SAMD5: variants seen among roughly 807,000 people sequenced by gnomAD.
SAMD5 encodes sterile alpha motif domain containing 5, also known as sterile alpha motif domain-containing protein 5.
A neutral mutation model predicts 11.3 loss-of-function variants in SAMD5; 13 were observed. The observed-to-expected ratio is 1.15, with a 90% CI of 0.75 to 1.83. SAMD5 has a LOEUF of 1.83. Among genes scored for constraint, SAMD5 ranks in the 40% most tolerant of loss-of-function variants. The probability of loss-of-function intolerance (pLI) is 0.00; values close to 1 mark genes in which losing one functional copy is unlikely to be tolerated. For synonymous variants in SAMD5, 129 were observed against 111.3 expected, an observed-to-expected ratio of 1.16 and a Z score of -1.00; for missense variants, 255 against 239.1, an observed-to-expected ratio of 1.07 and a Z score of -0.44.
At chr6:147,861,826 C>T in the SAMD5 span, among the ~76,000 whole-genome samples, 9 of 152,062 alleles carry the variant, frequency 5.9e-5, no homozygotes. Context: ...GAGGGGATGC[C>T]CCTCATGTGA....
intron 1 of SAMD5, among the ~76,000 whole-genome samples, chr6:147,672,579 A>T (rs1790809673): frequency 6.6e-6 from 1 of 152,176 alleles, no homozygotes; most frequent in Admixed American, 6.5e-5. Context: ...TGTTTAACAT[A>T]GTTAAATAAA....
the SAMD5 span, among the ~76,000 whole-genome samples, chr6:147,844,256 TA>T: frequency 3.9e-5 from 6 of 152,206 alleles, no homozygotes; most frequent in African/African-American, 1.4e-4. Flanking sequence ...TCAACCTCTC[TA>T]ATCATCAGAG....
chr6:147,741,194 C>T (rs1009824168), downstream of SAMD5, among the ~76,000 whole-genome samples: 19 of 152,020 alleles, frequency 1.2e-4, no homozygotes, highest in African/African-American at 4.6e-4. Flanking sequence ...AGTTTTCAAA[C>T]CAGGGGTTTG....
At chr6:147,816,007 C>T in the SAMD5 span, among the ~76,000 whole-genome samples, 11 of 152,018 alleles carry the variant, frequency 7.2e-5, no homozygotes, top group Admixed American at 3.3e-4. Context: ...AGGCTGGGCA[C>T]GGTGGCTCAC....
chr6:147,667,036 C>A (rs1469359782), intron 1 of SAMD5, among the ~76,000 whole-genome samples: 2 of 152,156 alleles, frequency 1.3e-5, no homozygotes, highest in East Asian at 3.9e-4. Context: ...ATGAAGCCTT[C>A]TAGAGCCCTT....
the SAMD5 span, among the ~76,000 whole-genome samples, chr6:147,925,682 CTTT>C: frequency 2.0e-4 from 23 of 115,236 alleles, no homozygotes; most frequent in African/African-American, 3.5e-4. Flanking sequence ...ACTGAGAATT[CTTT>C]TTTTTTTTTT....
chr6:147,847,464 A>C, the SAMD5 span, among the ~76,000 whole-genome samples: 1 of 152,220 alleles, frequency 6.6e-6, no homozygotes, highest in African/African-American at 2.4e-5. Flanking sequence ...AGATAATTTG[A>C]TGTCAAGGTT....
intron 1 of SAMD5, among the ~76,000 whole-genome samples, chr6:147,577,095 TG>T (rs1202836164): frequency 2.6e-5 from 4 of 152,256 alleles, no homozygotes; most frequent in Non-Finnish European, 5.9e-5. Flanking sequence ...GATTTCCTAC[TG>T]CCTGCAAATC....
the SAMD5 span, among the ~76,000 whole-genome samples, chr6:147,881,460 A>G: frequency 6.6e-6 from 1 of 152,056 alleles, no homozygotes; most frequent in African/African-American, 2.4e-5. Flanking sequence ...CTCCCTGGGG[A>G]CATAATACAG....
the SAMD5 span, among the ~76,000 whole-genome samples, chr6:147,761,041 A>G: frequency 2.6e-5 from 4 of 152,210 alleles, no homozygotes; most frequent in Non-Finnish European, 4.4e-5. Context: ...GTTTTCATAC[A>G]TGTAAAATAC....
chr6:147,881,869 G>GT, the SAMD5 span, among the ~76,000 whole-genome samples: 2 of 152,140 alleles, frequency 1.3e-5, no homozygotes, highest in Non-Finnish European at 2.9e-5. Flanking sequence ...GATCTGGGGG[G>GT]ATCGATGTGA....
chr6:147,745,773 C>A, the SAMD5 span, among the ~76,000 whole-genome samples: 1 of 140,036 alleles, frequency 7.1e-6, no homozygotes. Flanking sequence ...AGGTTTCTTT[C>A]TTTCTTTTTT....
the SAMD5 span, among the ~76,000 whole-genome samples, chr6:147,885,260 A>G: frequency 6.6e-6 from 1 of 152,114 alleles, no homozygotes; most frequent in African/African-American, 2.4e-5. Context: ...GGAGTTGGTG[A>G]CCAGCATGGG....
At chr6:147,701,431 G>T (rs961975694) in intron 1 of SAMD5, among the ~76,000 whole-genome samples, 1 of 152,118 alleles carries the variant, frequency 6.6e-6, no homozygotes, top group African/African-American at 2.4e-5. Context: ...GCCAGGAGTT[G>T]GAGACCCGCC....
At chr6:147,860,575 A>T in the SAMD5 span, among the ~76,000 whole-genome samples, 1 of 152,324 alleles carries the variant, frequency 6.6e-6, no homozygotes, top group East Asian at 1.9e-4. Flanking sequence ...TTTGAACAGT[A>T]AAGATTTCAC....
At chr6:147,656,906 G>A (rs1358520585) in intron 1 of SAMD5, among the ~76,000 whole-genome samples, 23 of 63,038 alleles carry the variant, frequency 3.6e-4, no homozygotes, top group South Asian at 2.3e-3. Context: ...ATACGTGTGT[G>A]TGTGTGTGTG....
At chr6:147,935,484 A>G in the SAMD5 span, among the ~76,000 whole-genome samples, 60 of 152,330 alleles carry the variant, frequency 3.9e-4, 3 homozygotes, top group South Asian at 0.012. Flanking sequence ...ATAAGCCAAC[A>G]TATTTCATAG....
chr6:147,570,775 T>C (rs1314488304), downstream of SAMD5, among the ~76,000 whole-genome samples: 2 of 152,162 alleles, frequency 1.3e-5, no homozygotes, highest in East Asian at 3.9e-4. Flanking sequence ...CAAATTTGAA[T>C]TTTAGAAATG....
Position 147,568,736 on chromosome 6 carries a change from CA to C in SAMD5, c.*4281del. The stretch of plus-strand genomic sequence containing the variant: ...CTAATTTTACTCTTATTAGCTCCCT[CA>C]GTTGTCATCAATTACATATTCCTAC... On this transcript the variant is annotated 3_prime_UTR_variant, in exon 2 of 2. Coordinates refer to ENST00000367474, the MANE Select transcript of SAMD5 (RefSeq NM_001030060.3). The C allele has an allele frequency of 1.0e-6, 1 of 980,510 alleles. No individual in the cohort carries two copies. Among genetic ancestry groups the C allele is most frequent in the Non-Finnish European group, 1.2e-6 (1 of 825,516 alleles). The allele number at this position is 980,510 out of a possible 1,614,324, so 60.7% of individuals were successfully genotyped here. A position where few individuals can be genotyped will look rare whatever the true frequency, so the allele number is the denominator to read the frequency against.
Sources: allele counts gnomAD v4.1 joint callset (sites outside exome capture counted in the v4.1 genomes callset), GRCh38; gene constraint gnomAD v4.1.1; transcripts MANE v1.5; gene names NCBI Gene and HGNC (gene_info 2026-07-23, HGNC 2026-07-21).